The following PADI1 variants were observed in gnomAD, a reference collection of about 807,000 sequenced individuals.
PADI1 encodes protein-arginine deiminase type-1.
In PADI1, 65 loss-of-function variants were observed where a neutral mutation model predicts 74.8. The observed-to-expected ratio is 0.87, with a 90% CI of 0.71 to 1.07. The LOEUF (loss-of-function observed/expected upper bound fraction) is 1.07. PADI1 is among the 50% of genes least tolerant of loss of function. The pLI, the probability that PADI1 is intolerant of heterozygous loss-of-function variation, is 0.00. For synonymous variants in PADI1, 371 were observed against 336.2 expected (o/e 1.10, Z -1.13); for missense variants, 943 against 854.0 (o/e 1.10, Z -1.30).
intron 15 of PADI1, among the ~76,000 whole-genome samples, chr1:17,241,909 G>A (rs1296315888): frequency 6.7e-6 from 1 of 149,742 alleles, no homozygotes; most frequent in Non-Finnish European, 1.5e-5. Flanking sequence ...TGTCGGAATC[G>A]GCATGGAATC....
chr1:17,224,092 C>T (rs1054189778), intron 3 of PADI1, among the ~76,000 whole-genome samples: 3 of 152,210 alleles, frequency 2.0e-5, no homozygotes, highest in South Asian at 4.1e-4. Context: ...TTTGGGGTCA[C>T]CAGCATATGA....
rs35593058 is a variant in PADI1 at position 17,242,279 on chromosome 1, G to GTGTT, written c.1758+1520_1758+1523dup. Among the ~76,000 whole-genome samples the GTGTT allele has an allele frequency of 7.5e-3, 1,146 of 152,342 alleles. 17 individuals carry two copies. Among genetic ancestry groups the GTGTT allele is most frequent in the African/African-American group, 0.026 (1,083 of 41,564 alleles). The stretch of plus-strand genomic sequence containing the variant: ...GATTGAGAACCACGGCTTGAAGGCA[G>GTGTT]TGTTGTCTGTTAGAACATTCTGTGC... On this transcript the variant is annotated intron_variant, in intron 15 of 15. Transcript: ENST00000375471.
At chr1:17,239,837 A>C (rs1355068729) in intron 14 of PADI1, 54 bp downstream of exon 14, 3 of 1,412,848 alleles carry the variant, frequency 2.1e-6, no homozygotes, top group Non-Finnish European at 3.0e-6. Context: ...TCCAGGGAGA[A>C]GAAGCCCCAG....
At chr1:17,227,648 C>T (rs1260595238) in intron 6 of PADI1, among the ~76,000 whole-genome samples, 1 of 152,218 alleles carries the variant, frequency 6.6e-6, no homozygotes, top group Non-Finnish European at 1.5e-5. Flanking sequence ...TCTACCCCTT[C>T]CCGATTCCCC....
intron 1 of PADI1, among the ~76,000 whole-genome samples, chr1:17,207,879 A>G (rs566860490): frequency 2.4e-4 from 36 of 152,204 alleles, no homozygotes; most frequent in Non-Finnish European, 5.1e-4. Context: ...TAGGACACAG[A>G]AGTTGATTCT....
In PADI1 at chr1:17,228,685, T is replaced by C. The variant is rs2072392959; in HGVS notation, c.713T>C (p.Val238Ala). 1 of 1,614,140 alleles carries C rather than the reference T, an allele frequency of 6.2e-7. No individual in the cohort carries two copies. The highest frequency in any genetic ancestry group is 1.3e-5 in the African/African-American group (1 of 75,034). The stretch of plus-strand genomic sequence containing the variant: ...GGGCCCCAGTGTCTGTCCTATGAAG[T>C]TGAGCGACAGCCAGGGGAGCAGGAG... ...VLGPQCLSYE[V>A]ERQPGEQEIK... Residue 238 changes from valine to alanine, a missense_variant, in exon 7 of 16, where the codon GTT (valine) becomes GCT (alanine). Val to Ala is a moderately conservative substitution (Grantham distance 64, BLOSUM62 0). Transcript: ENST00000375471.
Position 17,244,065 on chromosome 1 carries a change from T to C in PADI1, c.1814T>C (p.Ile605Thr). 1 of 1,614,238 alleles carries C rather than the reference T, an allele frequency of 6.2e-7. No individual in the cohort carries two copies. The highest frequency in any genetic ancestry group is 8.5e-7 in the Non-Finnish European group (1 of 1,180,038). The change falls in exon 16 of 16, where the codon ATC (isoleucine) becomes ACC (threonine). Residue 605 changes from isoleucine to threonine, a missense_variant. Ile to Thr is a moderately conservative substitution (Grantham distance 89). Coordinates refer to ENST00000375471, the MANE Select transcript of PADI1 (RefSeq NM_013358.3). ...YLGIPKPYGPIINGRCCLEEK... is the reference protein window; with the variant it reads ...YLGIPKPYGPTINGRCCLEEK... ...GGCATCCCCAAGCCCTACGGGCCCA[T>C]CATCAATGGCCGCTGCTGCCTGGAG...
rs1360607357 is a variant in PADI1, at chr1:17,206,687, T to C, written c.92+1378T>C. ...TGAAGTCTTTTTTTTCTTTTTCTTTTTTTTTTTTTTTTTTTTTGAGATGGA... is the reference window on the plus strand; with the variant it reads ...TGAAGTCTTTTTTTTCTTTTTCTTTCTTTTTTTTTTTTTTTTTGAGATGGA... On this transcript the variant is annotated intron_variant, in intron 1 of 15. Coordinates refer to ENST00000375471, the MANE Select transcript of PADI1 (RefSeq NM_013358.3). Among the ~76,000 whole-genome samples, 280 of 129,400 alleles carry C rather than the reference T, an allele frequency of 2.2e-3. 3 individuals are homozygous for C. The highest frequency in any genetic ancestry group is 7.2e-3 in the African/African-American group (238 of 32,990). 84.9% of individuals were successfully genotyped at this position (129,400 alleles called of 152,430 possible). A position where few individuals can be genotyped will look rare whatever the true frequency, so the allele number is the denominator to read the frequency against.
chr1:17,243,155 C>T (rs1359606256), intron 15 of PADI1, among the ~76,000 whole-genome samples: 3 of 152,198 alleles, frequency 2.0e-5, no homozygotes, highest in Non-Finnish European at 4.4e-5. Flanking sequence ...CCAAGGGTCA[C>T]CCCTTATGAC....
Position 17,237,350 on chromosome 1 carries a change from C to A in PADI1, c.1350C>A (p.Asn450Lys). The A allele has an allele frequency of 6.2e-7, 1 of 1,612,678 alleles. No homozygotes were observed. The highest frequency in any genetic ancestry group is 8.5e-7 in the Non-Finnish European group (1 of 1,179,234). The change falls in exon 12 of 16, where the codon AAC (asparagine) becomes AAA (lysine). Residue 450 changes from asparagine (N) to lysine (K), a missense_variant. By Grantham distance (94) the Asn-to-Lys change is moderately conservative. Transcript: ENST00000375471. Reference sequence around the variant, plus strand: ...GGCAGATGGCCAGGGCAGTGCGGAACTTCCTGAAGGCACAGCAGGTGCAGG... The same window carrying A: ...GGCAGATGGCCAGGGCAGTGCGGAAATTCCTGAAGGCACAGCAGGTGCAGG... ...GGRQMARAVR[N>K]FLKAQQVQAP...
intron 10 of PADI1, among the ~76,000 whole-genome samples, chr1:17,231,999 C>A (rs1447783945): frequency 6.6e-6 from 1 of 152,070 alleles, no homozygotes; most frequent in Non-Finnish European, 1.5e-5. Context: ...AGTGCAATGG[C>A]GCGATCTTGG....
intron 1 of PADI1, 68 bp from the exon 2 acceptor site, chr1:17,222,222 C>T: frequency 8.3e-7 from 1 of 1,209,690 alleles, no homozygotes; most frequent in Non-Finnish European, 1.2e-6. Flanking sequence ...AGCCCCCACC[C>T]CACTGTGGCC....
chr1:17,238,844 G>A (rs2072713654), intron 13 of PADI1, 135 bp downstream of exon 13: 1 of 448,376 alleles, frequency 2.2e-6, no homozygotes, highest in African/African-American at 2.0e-5. Flanking sequence ...TGGGTCCCCA[G>A]GTCCTCTGAT....
intron 13 of PADI1, among the ~76,000 whole-genome samples, chr1:17,239,194 G>T (rs2072721246): frequency 6.6e-6 from 1 of 152,172 alleles, no homozygotes; most frequent in Non-Finnish European, 1.5e-5. Flanking sequence ...CACAGCCTCA[G>T]TGTTCTCATC....
At position 17,244,162 on chromosome 1, in the gene PADI1, C is replaced by G. The variant is rs200814655; in HGVS notation, c.1911C>G (p.His637Gln). 1 of 1,614,230 alleles carries G rather than the reference C, an allele frequency of 6.2e-7. No homozygotes were observed. ...TCATTGATGACTACTTGTCCTACCA[C>G]GAGCTGCAGGGGGAGATCCACTGTG... Reference protein sequence around the residue: ...CIFIDDYLSYHELQGEIHCGT... With the variant: ...CIFIDDYLSYQELQGEIHCGT... The change falls in exon 16 of 16, where the codon CAC becomes CAG. Residue 637 changes from histidine (H) to glutamine (Q), a missense_variant. Physicochemically the swap from His to Gln is conservative, Grantham distance 24 (BLOSUM62 0). Coordinates refer to ENST00000375471, the MANE Select transcript of PADI1 (RefSeq NM_013358.3).
chr1:17,240,213 T>C (rs1180982309), intron 14 of PADI1: 1 of 235,414 alleles, frequency 4.2e-6, no homozygotes, highest in Non-Finnish European at 8.4e-6. Context: ...GGATAAAAAA[T>C]GCCTGCCCCA....
intron 1 of PADI1, among the ~76,000 whole-genome samples, chr1:17,209,706 C>A (rs1295460764): frequency 6.6e-6 from 1 of 152,178 alleles, no homozygotes; most frequent in Non-Finnish European, 1.5e-5. Context: ...TCTCAGCTCC[C>A]ATCCCTTTTA....
At chr1:17,223,118 C>T (rs1447536349) in intron 2 of PADI1, among the ~76,000 whole-genome samples, 1 of 152,156 alleles carries the variant, frequency 6.6e-6, no homozygotes, top group Non-Finnish European at 1.5e-5. Context: ...CGGACAGTCT[C>T]CTGTCGACTG....
In PADI1 at chr1:17,244,158, A is replaced by G; in HGVS notation, c.1907A>G (p.Tyr636Cys). The G allele has an allele frequency of 6.2e-7, 1 of 1,614,218 alleles. No homozygotes were observed. ...ATCTTCATTGATGACTACTTGTCCTACCACGAGCTGCAGGGGGAGATCCAC... is the reference window on the plus strand; with the variant it reads ...ATCTTCATTGATGACTACTTGTCCTGCCACGAGCTGCAGGGGGAGATCCAC... ...HCIFIDDYLS[Y>C]HELQGEIHCG... Residue 636 changes from tyrosine to cysteine, a missense_variant, in exon 16 of 16, where the codon TAC (tyrosine) becomes TGC (cysteine). Physicochemically the swap from Tyr to Cys is radical, Grantham distance 194. Coordinates refer to ENST00000375471, the MANE Select transcript of PADI1 (RefSeq NM_013358.3).
Sources: allele counts gnomAD v4.1 joint callset (sites outside exome capture counted in the v4.1 genomes callset), GRCh38; gene constraint gnomAD v4.1.1; transcripts MANE v1.5; gene names NCBI Gene and HGNC (gene_info 2026-07-23, HGNC 2026-07-21).